Variants in PARP15 observed in about 807,000 individuals in gnomAD.
The protein encoded by PARP15 is protein mono-ADP-ribosyltransferase PARP15.
A neutral mutation model predicts 62.1 loss-of-function variants in PARP15; 50 were observed. The ratio of observed to expected loss-of-function variants is 0.81; its 90% CI spans 0.64 to 1.02. PARP15 has a LOEUF of 1.02. Ranked by LOEUF, PARP15 falls within the 50% of genes least tolerant of loss-of-function variation. The pLI is 0.00. For synonymous variants in PARP15, 309 were observed against 293.1 expected, an observed-to-expected ratio of 1.05 and a Z score of -0.55; for missense variants, 820 against 826.5, an observed-to-expected ratio of 0.99 and a Z score of 0.10.
At chr3:122,614,679 G>A (rs1559966782) in intron 4 of PARP15, among the ~76,000 whole-genome samples, 1 of 152,132 alleles carries the variant, frequency 6.6e-6, no homozygotes, top group Non-Finnish European at 1.5e-5. Flanking sequence ...TTATTGGGGT[G>A]ACATCTTCAG....
chr3:122,612,081 G>A (rs1935609625), intron 3 of PARP15, among the ~76,000 whole-genome samples: 1 of 149,492 alleles, frequency 6.7e-6, no homozygotes, highest in South Asian at 2.1e-4. Flanking sequence ...ATTGAAACAG[G>A]GTCCCACTCT....
chr3:122,627,864 A>C (rs755692262), intron 9 of PARP15, among the ~76,000 whole-genome samples: 16 of 152,242 alleles, frequency 1.1e-4, no homozygotes, highest in Non-Finnish European at 8.8e-5. Flanking sequence ...TAAAAACATG[A>C]ATATAATAGT....
At chr3:122,615,604 T>G (rs2107551013) in intron 4 of PARP15, 175 bp from the exon 5 acceptor site, 2 of 1,378,002 alleles carry the variant, frequency 1.5e-6, no homozygotes, top group East Asian at 4.7e-5. Context: ...CACTGCTATT[T>G]GTGGAGAAAA....
intron 4 of PARP15, among the ~76,000 whole-genome samples, chr3:122,614,615 G>A (rs1435059691): frequency 6.6e-6 from 1 of 152,096 alleles, no homozygotes; most frequent in Non-Finnish European, 1.5e-5. Flanking sequence ...ATTATTATTA[G>A]CAAACTGTTC....
rs1273657532 is a variant in PARP15, at chr3:122,636,134, C to A, written c.*34C>A. ...TTATCATCAAAGAGATGATTTAAGTCATCTGTAAGAACAACATGCAATCTT... is the reference window on the plus strand; with the variant it reads ...TTATCATCAAAGAGATGATTTAAGTAATCTGTAAGAACAACATGCAATCTT... On this transcript the variant is annotated 3_prime_UTR_variant, in exon 12 of 12. Coordinates refer to ENST00000464300, the MANE Select transcript of PARP15 (RefSeq NM_001113523.3). 6.4e-7 allele frequency: 1 copy of A among 1,566,336 alleles called. No individual in the cohort carries two copies. Among genetic ancestry groups the A allele is most frequent in the Non-Finnish European group, 8.7e-7 (1 of 1,147,220 alleles).
intron 1 of PARP15, among the ~76,000 whole-genome samples, chr3:122,586,066 G>T (rs954791072): frequency 3.3e-5 from 5 of 152,120 alleles, no homozygotes; most frequent in African/African-American, 1.2e-4. Flanking sequence ...GTTAAAAATT[G>T]TAACCCATCA....
At position 122,632,066 on chromosome 3, in the gene PARP15, A is replaced by G. The variant is rs779150385; in HGVS notation, c.1439-20A>G. The stretch of plus-strand genomic sequence containing the variant: ...CTTTGGAAATGAATGTTGTGTTTTG[A>G]CCAAATGCTGACTTTCCAGGTAATC... On this transcript the variant is annotated intron_variant, in intron 9 of 11. Coordinates refer to ENST00000464300, the MANE Select transcript of PARP15 (RefSeq NM_001113523.3). The G allele has an allele frequency of 1.9e-6, 3 of 1,613,804 alleles. No homozygotes were observed. The highest frequency in any genetic ancestry group is 2.5e-6 in the Non-Finnish European group (3 of 1,179,916).
At chr3:122,633,718 A>G (rs1306234192) in intron 10 of PARP15, among the ~76,000 whole-genome samples, 1 of 152,222 alleles carries the variant, frequency 6.6e-6, no homozygotes, top group African/African-American at 2.4e-5. Context: ...GGACTTGAGC[A>G]TCCTCAGATT....
intron 5 of PARP15, among the ~76,000 whole-genome samples, chr3:122,616,809 T>A (rs1187619172): frequency 6.6e-6 from 1 of 152,204 alleles, no homozygotes; most frequent in Non-Finnish European, 1.5e-5. Context: ...AATGTAGATA[T>A]GCTTACTGTC....
intron 11 of PARP15, 96 bp from the exon 12 acceptor site, chr3:122,635,715 A>G: frequency 7.1e-7 from 1 of 1,405,224 alleles, no homozygotes. Flanking sequence ...ACCTGGCTAA[A>G]ACTGCATTTA....
intron 10 of PARP15, 98 bp downstream of exon 10, chr3:122,632,317 T>A: frequency 8.6e-7 from 1 of 1,163,352 alleles, no homozygotes; most frequent in South Asian, 1.5e-5. Context: ...TGTACCTTAC[T>A]ATGTTTATTT....
intron 8 of PARP15, 61 bp from the exon 9 acceptor site, chr3:122,626,766 C>T: frequency 1.4e-6 from 2 of 1,474,160 alleles, no homozygotes; most frequent in East Asian, 2.3e-5. Context: ...CTGGATTTGC[C>T]ATATTTCATC....
chr3:122,608,213 C>CTTTT (rs71136576), intron 2 of PARP15, among the ~76,000 whole-genome samples: 146 of 113,866 alleles, frequency 1.3e-3, no homozygotes, highest in Non-Finnish European at 1.7e-3. Context: ...TTTCTCTTTT[C>CTTTT]TTTTTTTTTT....
At chr3:122,615,433 T>G (rs73858321) in intron 4 of PARP15, 10 of 1,268,500 alleles carry the variant, frequency 7.9e-6, no homozygotes, top group Non-Finnish European at 9.2e-6. Flanking sequence ...TCCCTCAGCC[T>G]ATTGGATGTA....
In PARP15 at chr3:122,635,203, G is replaced by C. The variant is rs1483704491; in HGVS notation, c.1747+9G>C. The C allele has an allele frequency of 1.2e-6, 2 of 1,612,358 alleles. No homozygotes were observed. The highest frequency in any genetic ancestry group is 1.1e-5 in the South Asian group (1 of 90,782). ...TTGTGCTGGGAAAAATGGTAAGGAA[G>C]CAAGTAATTTGGCTGATCAGAATAA... On this transcript the variant is annotated intron_variant, in intron 11 of 11. Transcript: ENST00000464300.
chr3:122,606,630 C>T (rs773178190), intron 2 of PARP15, among the ~76,000 whole-genome samples: 7 of 152,198 alleles, frequency 4.6e-5, no homozygotes, highest in South Asian at 2.1e-4. Flanking sequence ...GTGCTCAATC[C>T]TGGCTGCAGA....
intron 10 of PARP15, among the ~76,000 whole-genome samples, chr3:122,633,912 A>G (rs1937201383): frequency 6.6e-6 from 1 of 152,200 alleles, no homozygotes; most frequent in Non-Finnish European, 1.5e-5. Context: ...TGCTGCTCTT[A>G]GATGAAATCC....
At chr3:122,612,593 C>T (rs560014473) in intron 3 of PARP15, among the ~76,000 whole-genome samples, 152 of 152,044 alleles carry the variant, frequency 1.0e-3, no homozygotes, top group African/African-American at 2.7e-3. Context: ...CCTGCCACCA[C>T]GCCTGGCTAA....
intron 9 of PARP15, among the ~76,000 whole-genome samples, chr3:122,631,283 G>A (rs1395740216): frequency 2.0e-5 from 3 of 152,198 alleles, no homozygotes; most frequent in Non-Finnish European, 4.4e-5. Flanking sequence ...TACTGATTAG[G>A]GTTAGATGCC....
Sources: gnomAD v4.1 joint callset for allele counts (sites outside exome capture counted in the v4.1 genomes callset) on GRCh38, gnomAD v4.1.1 for gene constraint, MANE v1.5 for transcripts, NCBI Gene and HGNC (gene_info 2026-07-23, HGNC 2026-07-21) for gene names.